NUDT14: variants seen among roughly 807,000 people sequenced by gnomAD.
NUDT14 encodes the protein nudix hydrolase 14, also known as uridine diphosphate glucose pyrophosphatase NUDT14.
NUDT14 carries 22 observed loss-of-function variants against 17.5 expected under a neutral mutation model. The observed-to-expected ratio is 1.26, with a 90% CI of 0.90 to 1.80. NUDT14 has a LOEUF of 1.80. Among genes scored for constraint, NUDT14 ranks in the 40% most tolerant of loss-of-function variants. NUDT14 has a pLI of 0.00. For missense variants in NUDT14, 296 were observed against 295.6 expected (o/e 1.00, Z -0.01); for synonymous variants, 129 against 125.8 (o/e 1.03, Z -0.17).
chr14:105,177,399 C>T, intron 2 of NUDT14: 1 of 549,988 alleles, frequency 1.8e-6, no homozygotes. Context: ...CCATCCAGCC[C>T]AGACCCTGGA....
In NUDT14 at chr14:105,173,500, C is replaced by T. The variant is rs1254852106; in HGVS notation, c.429-239G>A. 2.3e-5 allele frequency: 9 copies of T among 392,750 alleles called. No homozygotes were observed. The highest frequency in any genetic ancestry group is 2.1e-4 in the South Asian group (2 of 9,676). The allele number at this position is 392,750 out of a possible 1,614,324, so 24.3% of individuals were successfully genotyped here. ...ACTCGCCAGGTGGGGTGGGTGTTGT[C>T]GATGTGATTAAGGACCCTAACCGGT... On this transcript the variant is annotated intron_variant, in intron 4 of 4. Coordinates refer to ENST00000392568, the MANE Select transcript of NUDT14 (RefSeq NM_177533.5). The surrounding 1 kb of genome is among the most constrained non-coding windows in gnomAD (Gnocchi z 4.7).
chr14:105,177,831 C>G (rs1013867862), intron 1 of NUDT14, 96 bp from the exon 2 acceptor site: 11 of 1,195,616 alleles, frequency 9.2e-6, no homozygotes, highest in Non-Finnish European at 1.2e-5. Flanking sequence ...CACTCCTAAC[C>G]AGGGAGATCG....
chr14:105,174,260 TAGG>T (rs1889165505), intron 4 of NUDT14, among the ~76,000 whole-genome samples: 1 of 151,240 alleles, frequency 6.6e-6, no homozygotes, highest in Non-Finnish European at 1.5e-5. Flanking sequence ...GACCACGGGC[TAGG>T]AGGACAGGAT....
Position 105,181,230 on chromosome 14 carries a change from G to A in NUDT14, c.-21C>T. The A allele has an allele frequency of 3.1e-5, 8 of 258,536 alleles. No homozygotes were observed. Among genetic ancestry groups the A allele is most frequent in the South Asian group, 1.1e-4 (1 of 9,328 alleles). 16.0% of individuals were successfully genotyped at this position (258,536 alleles called of 1,614,324 possible). On this transcript the variant is annotated 5_prime_UTR_variant, in exon 1 of 5. Coordinates refer to ENST00000392568, the MANE Select transcript of NUDT14 (RefSeq NM_177533.5). The surrounding 1 kb of genome is among the most constrained non-coding windows in gnomAD (Gnocchi z 5.0). Reference sequence around the variant, plus strand: ...TCCATGGCGGCGCCCGGACAGGCGGGGGCCGCGAGCTCTGCGGGGGCCGAC... The same window carrying A: ...TCCATGGCGGCGCCCGGACAGGCGGAGGCCGCGAGCTCTGCGGGGGCCGAC...
intron 3 of NUDT14, 91 bp from the exon 4 acceptor site, chr14:105,176,862 C>T: frequency 6.4e-7 from 1 of 1,552,532 alleles, no homozygotes. Flanking sequence ...AGGGCCTCAG[C>T]TTCCCCTGGA....
chr14:105,175,025 C>T (rs1595198724), intron 4 of NUDT14, among the ~76,000 whole-genome samples: 2 of 152,252 alleles, frequency 1.3e-5, no homozygotes, highest in East Asian at 3.8e-4. Context: ...ACGGCCTGCT[C>T]TTCCCGATGC....
At position 105,177,919 on chromosome 14, in the gene NUDT14, G is replaced by A. The variant is rs587760322; in HGVS notation, c.82-184C>T. ...GAGCAAGCAGCCTGGGAGGGGCAGG[G>A]AGGTCAAGGACAGCCTAATACCCTA... On this transcript the variant is annotated intron_variant, in intron 1 of 4. Coordinates refer to ENST00000392568, the MANE Select transcript of NUDT14 (RefSeq NM_177533.5). Among the ~76,000 whole-genome samples, 9 of 152,202 alleles carry A rather than the reference G, an allele frequency of 5.9e-5. No homozygotes were observed. In the South Asian group the frequency reaches 6.2e-4, roughly 11 times the overall value.
chr14:105,178,342 G>A (rs376978478), intron 1 of NUDT14, among the ~76,000 whole-genome samples: 2 of 152,024 alleles, frequency 1.3e-5, no homozygotes, highest in Non-Finnish European at 2.9e-5. Flanking sequence ...GACCAGGCTC[G>A]GCAGCCCCCC....
Position 105,176,528 on chromosome 14 carries a change from A to C in NUDT14, c.428+6T>G, listed in dbSNP as rs761724095. ...ACCACAGGCCTGAGGGCCTGGTCCC[A>C]CTCACCAGTATGTGGCGACCCGGCG... On this transcript the variant is annotated splice_donor_region_variant and intron_variant, in intron 4 of 4. Coordinates refer to ENST00000392568, the MANE Select transcript of NUDT14 (RefSeq NM_177533.5). 54 of 1,606,420 alleles carry C rather than the reference A, an allele frequency of 3.4e-5. No individual in the cohort carries two copies. The highest frequency in any genetic ancestry group is 4.6e-5 in the Non-Finnish European group (54 of 1,174,366).
chr14:105,181,245 C>CG lies in NUDT14; in HGVS notation c.-37dup. The CG allele has an allele frequency of 5.3e-6, 2 of 374,242 alleles. No homozygotes were observed. Among genetic ancestry groups the CG allele is most frequent in the Non-Finnish European group, 7.3e-6 (2 of 275,708 alleles). The allele number at this position is 374,242 out of a possible 1,614,324, so 23.2% of individuals were successfully genotyped here. The stretch of plus-strand genomic sequence containing the variant: ...GGACAGGCGGGGGCCGCGAGCTCTG[C>CG]GGGGGCCGACACGGGGCGGCGCCCT... On this transcript the variant is annotated 5_prime_UTR_variant, in exon 1 of 5. Coordinates refer to ENST00000392568, the MANE Select transcript of NUDT14 (RefSeq NM_177533.5). This position sits in a 1 kb window ranked among gnomAD's most constrained non-coding sequence, Gnocchi z 5.0.
At chr14:105,175,068 C>T (rs1189488672) in intron 4 of NUDT14, among the ~76,000 whole-genome samples, 1 of 152,236 alleles carries the variant, frequency 6.6e-6, no homozygotes. Context: ...TCCCAGAGCC[C>T]TCCTTGGCTC....
Position 105,181,227 on chromosome 14 carries a change from CGGGGGCCGCG to C in NUDT14, c.-28_-19del, listed in dbSNP as rs1889322729. On this transcript the variant is annotated 5_prime_UTR_variant, in exon 1 of 5. Transcript: ENST00000392568. This position sits in a 1 kb window ranked among gnomAD's most constrained non-coding sequence, Gnocchi z 5.0. ...CGCTCCATGGCGGCGCCCGGACAGG[CGGGGGCCGCG>C]AGCTCTGCGGGGGCCGACACGGGGC... is the stretch of plus-strand genomic sequence containing the variant. 3.1e-5 allele frequency: 8 copies of C among 262,106 alleles called. No homozygotes were observed. The highest frequency in any genetic ancestry group is 3.8e-5 in the Non-Finnish European group (8 of 210,154). The allele number at this position is 262,106 out of a possible 1,614,324, so 16.2% of individuals were successfully genotyped here. A position where few individuals can be genotyped will look rare whatever the true frequency, so the allele number is the denominator to read the frequency against.
chr14:105,175,847 C>T (rs587643320), intron 4 of NUDT14: 55 of 1,079,442 alleles, frequency 5.1e-5, no homozygotes, highest in Middle Eastern at 4.2e-4. Context: ...CAGAGACTTC[C>T]GGTGCTTCTC....
chr14:105,180,008 A>G (rs1160372652), intron 1 of NUDT14, among the ~76,000 whole-genome samples: 1 of 152,174 alleles, frequency 6.6e-6, no homozygotes, highest in Non-Finnish European at 1.5e-5. Context: ...GTGACCAGGA[A>G]GGTGGTCTTT....
intron 2 of NUDT14, chr14:105,177,384 C>A: frequency 1.8e-6 from 1 of 546,000 alleles, no homozygotes; most frequent in Non-Finnish European, 3.3e-6. Flanking sequence ...CCTCGAGCCA[C>A]GTCGCCATCC....
intron 1 of NUDT14, among the ~76,000 whole-genome samples, chr14:105,177,943 T>C (rs894133534): frequency 7.9e-5 from 12 of 151,810 alleles, no homozygotes; most frequent in Admixed American, 1.3e-4. Context: ...CCTAATACCC[T>C]ACGAGTGAGG....
In NUDT14 at chr14:105,173,272, A is replaced by C; in HGVS notation, c.429-11T>G. 1 of 1,511,984 alleles carries C rather than the reference A, an allele frequency of 6.6e-7. No individual in the cohort carries two copies. Among genetic ancestry groups the C allele is most frequent in the East Asian group, 2.5e-5 (1 of 40,716 alleles). The allele number at this position is 1,511,984 out of a possible 1,614,324, so 93.7% of individuals were successfully genotyped here. ...AGTCCCACTCCAGACCTACGGGTTG[A>C]GACAGGGTCTGCTGAGTCACCCACG... On this transcript the variant is annotated splice_polypyrimidine_tract_variant and intron_variant, in intron 4 of 4. Transcript: ENST00000392568. The surrounding 1 kb of genome is among the most constrained non-coding windows in gnomAD (Gnocchi z 4.7).
At position 105,177,689 on chromosome 14, in the gene NUDT14, C is replaced by A; in HGVS notation, c.125+3G>T. On this transcript the variant is annotated splice_donor_region_variant and intron_variant, in intron 2 of 4. Coordinates refer to ENST00000392568, the MANE Select transcript of NUDT14 (RefSeq NM_177533.5). ...CAGTGGCCAGGCTGGGCCAGGCTCT[C>A]ACCTGTCATGCGTCTTCATGAAGTC... The A allele has an allele frequency of 6.2e-7, 1 of 1,612,410 alleles. No individual in the cohort carries two copies. Among genetic ancestry groups the A allele is most frequent in the Non-Finnish European group, 8.5e-7 (1 of 1,179,744 alleles).
Position 105,173,365 on chromosome 14 carries a change from G to A in NUDT14, c.429-104C>T. Reference sequence around the variant, plus strand: ...CACCCTCTCCACTCTGCTCCCTCCAGCCCTCCAGTAGGCAGGACTCTGGGA... The same window carrying A: ...CACCCTCTCCACTCTGCTCCCTCCAACCCTCCAGTAGGCAGGACTCTGGGA... On this transcript the variant is annotated intron_variant, in intron 4 of 4. Coordinates refer to ENST00000392568, the MANE Select transcript of NUDT14 (RefSeq NM_177533.5). This position sits in a 1 kb window ranked among gnomAD's most constrained non-coding sequence, Gnocchi z 4.7. The A allele has an allele frequency of 7.7e-7, 1 of 1,291,972 alleles. No individual in the cohort carries two copies. Among genetic ancestry groups the A allele is most frequent in the East Asian group, 3.0e-5 (1 of 33,688 alleles). 80.0% of individuals were successfully genotyped at this position (1,291,972 alleles called of 1,614,324 possible). A position where few individuals can be genotyped will look rare whatever the true frequency, so the allele number is the denominator to read the frequency against.
Sources: allele counts gnomAD v4.1 joint callset (sites outside exome capture counted in the v4.1 genomes callset), GRCh38; gene constraint gnomAD v4.1.1; non-coding constraint Gnocchi (gnomAD v3.1); transcripts MANE v1.5; gene names NCBI Gene and HGNC (gene_info 2026-07-23, HGNC 2026-07-21).